ABCA13: variants seen among roughly 807,000 people sequenced by gnomAD.
The protein encoded by ABCA13 is ATP binding cassette subfamily A member 13.
Under a neutral mutation model 478.7 loss-of-function variants are expected in ABCA13, and 476 were observed. That is an observed-to-expected ratio of 0.99 (90% CI 0.92 to 1.07). The LOEUF (loss-of-function observed/expected upper bound fraction) is 1.07, where lower values mean the gene tolerates loss of function less well. Among genes scored for constraint, ABCA13 ranks in the 50% least tolerant of loss-of-function variants. The pLI is 0.00. For synonymous variants in ABCA13, 2,252 were observed against 2,158.9 expected, an observed-to-expected ratio of 1.04 and a Z score of -1.20; for missense variants, 6,060 against 5,910.6, an observed-to-expected ratio of 1.03 and a Z score of -0.83.
chr7:48,634,084 A>T (rs1229397691), intron 59 of ABCA13, among the ~76,000 whole-genome samples: 1 of 152,220 alleles, frequency 6.6e-6, no homozygotes, highest in Non-Finnish European at 1.5e-5. Flanking sequence ...TTCTGGGTAA[A>T]CAAAAAAATT....
intron 57 of ABCA13, among the ~76,000 whole-genome samples, chr7:48,591,601 C>T (rs1333320910): frequency 6.6e-6 from 1 of 151,832 alleles, no homozygotes; most frequent in East Asian, 1.9e-4. Flanking sequence ...TCTTTCAATC[C>T]ATGTACATGG....
intron 44 of ABCA13, 57 bp downstream of exon 44, chr7:48,467,102 C>G (rs1165245650): frequency 6.8e-7 from 1 of 1,479,124 alleles, no homozygotes; most frequent in East Asian, 2.3e-5. Context: ...ATATTGTAGC[C>G]TGGGAGGACT....
intron 52 of ABCA13, among the ~76,000 whole-genome samples, chr7:48,518,853 G>T (rs769703396): frequency 9.2e-5 from 14 of 152,026 alleles, no homozygotes; most frequent in Non-Finnish European, 1.6e-4. Flanking sequence ...AGGATATGCA[G>T]GTTTGTTCCA....
At chr7:48,229,503 G>A (rs1473157056) in intron 6 of ABCA13, among the ~76,000 whole-genome samples, 5 of 152,308 alleles carry the variant, frequency 3.3e-5, no homozygotes, top group African/African-American at 4.8e-5. Context: ...GCTGCCCTGC[G>A]GCAGGAAGAA....
chr7:48,335,699 G>GC (rs1381059792), intron 28 of ABCA13, among the ~76,000 whole-genome samples, 164 bp downstream of exon 28: 2 of 152,332 alleles, frequency 1.3e-5, no homozygotes, highest in East Asian at 1.9e-4. Context: ...AAAACTTTTT[G>GC]TGAATTTTCA....
At chr7:48,361,927 C>T (rs180961302) in intron 31 of ABCA13, among the ~76,000 whole-genome samples, 34 of 152,026 alleles carry the variant, frequency 2.2e-4, no homozygotes, top group South Asian at 6.2e-4. Flanking sequence ...TATGTTTTTA[C>T]ATATCAGAGG....
chr7:48,290,922 G>A (rs1302165245), intron 20 of ABCA13, among the ~76,000 whole-genome samples: 3 of 107,840 alleles, frequency 2.8e-5, no homozygotes, highest in Non-Finnish European at 3.4e-5. Context: ...AGAAGGTTTA[G>A]AGAGCTTCAC....
intron 40 of ABCA13, among the ~76,000 whole-genome samples, chr7:48,411,010 TC>T (rs1818995221): frequency 8.8e-6 from 1 of 114,090 alleles, no homozygotes; most frequent in Non-Finnish European, 1.9e-5. Context: ...TTTCTTTCTT[TC>T]TTTCTTTCTT....
intron 42 of ABCA13, among the ~76,000 whole-genome samples, chr7:48,437,130 A>C (rs998343031): frequency 5.3e-5 from 8 of 151,970 alleles, no homozygotes; most frequent in African/African-American, 1.9e-4. Flanking sequence ...GAGGTTTCCT[A>C]CTATTACTAT....
At chr7:48,222,396 A>G (rs1404411994) in intron 5 of ABCA13, among the ~76,000 whole-genome samples, 1 of 152,262 alleles carries the variant, frequency 6.6e-6, no homozygotes, top group Non-Finnish European at 1.5e-5. Flanking sequence ...GTAAAAAGAT[A>G]TAATAATTTT....
intron 48 of ABCA13, among the ~76,000 whole-genome samples, chr7:48,490,160 T>C (rs1042913964): frequency 6.6e-6 from 1 of 152,192 alleles, no homozygotes; most frequent in Non-Finnish European, 1.5e-5. Context: ...TTTGTGGCAT[T>C]GTAATTATTT....
chr7:48,249,255 G>A lies in ABCA13; in HGVS notation c.1909G>A (p.Ala637Thr), dbSNP rs1390948249. Residue 637 changes from alanine (A) to threonine (T), a missense_variant, in exon 15 of 62, where the codon GCA becomes ACA. By Grantham distance (58) the Ala-to-Thr change is moderately conservative (BLOSUM62 0). This residue lies in a region of ABCA13 where 4,423 missense variants were observed against 4,309.1 expected (regional missense o/e 1.03). Coordinates refer to ENST00000435803, the MANE Select transcript of ABCA13 (RefSeq NM_152701.5). ...AAAAACACAATTTTTCCTGGAACAA[G>A]CATATTATTGGAAAGCCTTCAAAAA... ...LEKTQFFLEQ[A>T]YYWKAFKKFI... 1 of 1,612,946 alleles carries A rather than the reference G, an allele frequency of 6.2e-7. No individual in the cohort carries two copies. Among genetic ancestry groups the A allele is most frequent in the South Asian group, 1.1e-5 (1 of 90,948 alleles).
chr7:48,172,181 T>C (rs1172787834), intron 1 of ABCA13, among the ~76,000 whole-genome samples: 1 of 152,242 alleles, frequency 6.6e-6, no homozygotes, highest in Non-Finnish European at 1.5e-5. Flanking sequence ...CAATTGCTTG[T>C]TATTATGACT....
chr7:48,201,834 TAAGTGTTACA>T (rs1490847702), intron 3 of ABCA13, among the ~76,000 whole-genome samples: 1 of 152,224 alleles, frequency 6.6e-6, no homozygotes, highest in African/African-American at 2.4e-5. Context: ...ACCCTCATGG[TAAGTGTTACA>T]GCTCTTAAGG....
At chr7:48,346,823 C>T (rs1034128157) in intron 29 of ABCA13, among the ~76,000 whole-genome samples, 2 of 152,122 alleles carry the variant, frequency 1.3e-5, no homozygotes, top group African/African-American at 2.4e-5. Flanking sequence ...AGTGCAATTG[C>T]CATGGGAGCA....
chr7:48,604,315 G>A (rs1791233143), intron 58 of ABCA13, among the ~76,000 whole-genome samples: 1 of 152,056 alleles, frequency 6.6e-6, no homozygotes, highest in African/African-American at 2.4e-5. Flanking sequence ...TCTTTCAATT[G>A]TGATGTTAGG....
chr7:48,586,323 C>T (rs776630797), intron 56 of ABCA13, among the ~76,000 whole-genome samples: 45 of 152,218 alleles, frequency 3.0e-4, no homozygotes, highest in Admixed American at 1.1e-3. Flanking sequence ...TCTGAGTTTG[C>T]AAACATTAAC....
At chr7:48,245,416 C>T (rs1023349747) in intron 11 of ABCA13, 96 bp from the exon 12 acceptor site, 6 of 923,416 alleles carry the variant, frequency 6.5e-6, no homozygotes, top group East Asian at 2.6e-5. Context: ...TTAAAAAATC[C>T]ATGTTTTCAG....
intron 1 of ABCA13, among the ~76,000 whole-genome samples, chr7:48,175,763 T>C (rs1043139040): frequency 2.6e-5 from 4 of 152,202 alleles, no homozygotes; most frequent in African/African-American, 4.8e-5. Context: ...CCTATAGTCA[T>C]ATAGAGCACT....
Sources: allele counts gnomAD v4.1 joint callset (sites outside exome capture counted in the v4.1 genomes callset), GRCh38; gene constraint gnomAD v4.1.1; regional missense constraint gnomAD v4.1.1; transcripts MANE v1.5; gene names NCBI Gene and HGNC (gene_info 2026-07-23, HGNC 2026-07-21).